Variants in ANXA4 observed in about 807,000 individuals in gnomAD.
The protein encoded by ANXA4 is annexin A4.
A neutral mutation model predicts 49.8 loss-of-function variants in ANXA4; 39 were observed. The observed-to-expected ratio is 0.78, with a 90% confidence interval of 0.61 to 1.02. The LOEUF (loss-of-function observed/expected upper bound fraction) is 1.02, where lower values mean the gene tolerates loss of function less well. Ranked by LOEUF, ANXA4 falls within the 50% of genes least tolerant of loss-of-function variation. ANXA4 has a pLI of 0.00. For synonymous variants in ANXA4, 134 were observed against 152.5 expected, an observed-to-expected ratio of 0.88 and a Z score of 0.89; for missense variants, 360 against 410.1, an observed-to-expected ratio of 0.88 and a Z score of 1.05.
chr2:69,781,460 A>C, intron 1 of ANXA4, 60 bp from the exon 2 acceptor site: 1 of 1,403,962 alleles, frequency 7.1e-7, no homozygotes, highest in Non-Finnish European at 1.0e-6. Flanking sequence ...AGTTATCCTG[A>C]TTAATGATTT....
chr2:69,713,481 G>A (rs1262554206), intron 2 of ANXA4: 1 of 152,208 alleles, frequency 6.6e-6, no homozygotes, highest in Admixed American at 6.5e-5. Flanking sequence ...TCTCCATGGT[G>A]TAAAAACACT....
At chr2:69,740,714 ACT>A (rs1381846764), upstream of ANXA4, among the ~76,000 whole-genome samples, 224 of 97,350 alleles carry the variant, frequency 2.3e-3, 2 homozygotes, top group African/African-American at 9.2e-3. Flanking sequence ...ACAATGTCTC[ACT>A]CTGTCGCCCA....
chr2:69,757,238 T>TTTTATATATATATATATATATATATATA (rs1267602375), intron 1 of ANXA4, among the ~76,000 whole-genome samples: 1 of 59,066 alleles, frequency 1.7e-5, no homozygotes, highest in African/African-American at 6.3e-5. Context: ...CATTTTTGTT[T>TTTTATATATATATATATATATATATATA]TATATATATA....
intron 2 of ANXA4, among the ~76,000 whole-genome samples, chr2:69,680,756 A>G (rs1677569062): frequency 6.6e-6 from 1 of 152,144 alleles, no homozygotes; most frequent in Non-Finnish European, 1.5e-5. Flanking sequence ...GTCAATTGAG[A>G]TGATCATATA....
intron 1 of ANXA4, among the ~76,000 whole-genome samples, chr2:69,778,325 C>G (rs2103643213): frequency 6.6e-6 from 1 of 152,264 alleles, no homozygotes; most frequent in South Asian, 2.1e-4. Context: ...TTAAAATTGT[C>G]AAAGGGTTTT....
chr2:69,795,246 C>T (rs1052618014), intron 3 of ANXA4, among the ~76,000 whole-genome samples: 4 of 152,190 alleles, frequency 2.6e-5, no homozygotes, highest in African/African-American at 7.2e-5. Flanking sequence ...GTTTTGAAAT[C>T]CCTGAGGCAG....
intron 12 of ANXA4, among the ~76,000 whole-genome samples, chr2:69,824,522 G>T (rs1446092252): frequency 7.2e-6 from 1 of 138,714 alleles, no homozygotes; most frequent in Non-Finnish European, 1.6e-5. Context: ...AAAAAAAAAA[G>T]GTTTAAGAAA....
chr2:69,700,160 A>G (rs1194802206), intron 2 of ANXA4: 1 of 152,262 alleles, frequency 6.6e-6, no homozygotes, highest in South Asian at 2.1e-4. Context: ...ATGGAAACAC[A>G]TCTTGTAAAC....
intron 3 of ANXA4, among the ~76,000 whole-genome samples, chr2:69,792,360 T>TTA (rs1672730081): frequency 6.6e-6 from 1 of 152,260 alleles, no homozygotes. Flanking sequence ...GCTATTAATG[T>TTA]TAAACTTAAT....
chr2:69,706,704 T>C (rs1302431967), intron 2 of ANXA4, among the ~76,000 whole-genome samples: 1 of 152,186 alleles, frequency 6.6e-6, no homozygotes, highest in Non-Finnish European at 1.5e-5. Context: ...TCTCCATACA[T>C]CTGCCTATTC....
At chr2:69,646,519 C>G (rs1459930797) in intron 1 of ANXA4, among the ~76,000 whole-genome samples, 2 of 152,102 alleles carry the variant, frequency 1.3e-5, no homozygotes, top group African/African-American at 4.8e-5. Context: ...GAATTTTGAA[C>G]TAGGTGTGGA....
intron 1 of ANXA4, among the ~76,000 whole-genome samples, chr2:69,759,710 T>C (rs1014986575): frequency 6.6e-6 from 1 of 152,208 alleles, no homozygotes. Context: ...TACTTCATTG[T>C]TACTGCCATA....
chr2:69,753,983 G>A lies in ANXA4; in HGVS notation c.-47+11808G>A, dbSNP rs17348270. On this transcript the variant is annotated intron_variant, in intron 1 of 12. Transcript: ENST00000394295. ...GGGACTGGAACTTGGTTCTTGTTCT[G>A]GATTCTAAGCCTGAATGATCTTCAT... is the stretch of plus-strand genomic sequence containing the variant. 6.9e-3 allele frequency among the ~76,000 whole-genome samples: 1,055 copies of A among 152,324 alleles called. 10 individuals are homozygous for A. The highest frequency in any genetic ancestry group is 0.048 in the Middle Eastern group (14 of 294).
chr2:69,743,449 C>A (rs1007525790), intron 1 of ANXA4, among the ~76,000 whole-genome samples: 1 of 152,114 alleles, frequency 6.6e-6, no homozygotes, highest in African/African-American at 2.4e-5. Context: ...AACTCCTGAC[C>A]TCAGGTGATC....
At chr2:69,663,052 G>A (rs186791876) in intron 2 of ANXA4, among the ~76,000 whole-genome samples, 1 of 136,768 alleles carries the variant, frequency 7.3e-6, no homozygotes, top group African/African-American at 2.7e-5. Context: ...GAGTGCAGTC[G>A]CATGATCTCC....
At chr2:69,715,188 C>A (rs1260273092) in intron 2 of ANXA4, among the ~76,000 whole-genome samples, 2 of 152,096 alleles carry the variant, frequency 1.3e-5, no homozygotes, top group Middle Eastern at 3.2e-3. Context: ...TCAAGCAAAT[C>A]ATGGTTTGTT....
At chr2:69,737,985 G>A (rs781099311), upstream of ANXA4, among the ~76,000 whole-genome samples, 3 of 152,048 alleles carry the variant, frequency 2.0e-5, no homozygotes, top group Non-Finnish European at 2.9e-5. Flanking sequence ...AAAAAAGACA[G>A]GACATCTGGT....
At chr2:69,732,856 A>G (rs1001863839) in intron 3 of ANXA4, among the ~76,000 whole-genome samples, 4 of 152,208 alleles carry the variant, frequency 2.6e-5, no homozygotes, top group Non-Finnish European at 4.4e-5. Flanking sequence ...TTACCTTGCT[A>G]TGCCATACAT....
At chr2:69,750,310 G>A (rs566715096) in intron 1 of ANXA4, among the ~76,000 whole-genome samples, 3 of 152,336 alleles carry the variant, frequency 2.0e-5, no homozygotes, top group African/African-American at 7.2e-5. Flanking sequence ...AGATGAAGCA[G>A]CCACCGCTCA....
Sources: gnomAD v4.1 joint callset for allele counts (sites outside exome capture counted in the v4.1 genomes callset) on GRCh38, gnomAD v4.1.1 for gene constraint, MANE v1.5 for transcripts, NCBI Gene and HGNC (gene_info 2026-07-23, HGNC 2026-07-21) for gene names.